Variants in NEB observed in about 807,000 individuals in gnomAD.
NEB encodes nebulin, also known as nemaline myopathy type 2.
A neutral mutation model predicts 952.2 loss-of-function variants in NEB; 512 were observed. The ratio of observed to expected loss-of-function variants is 0.54; its 90% CI spans 0.50 to 0.58. The LOEUF is 0.58. Ranked by LOEUF, NEB falls within the 20% of genes least tolerant of loss-of-function variation. NEB has a pLI of 0.00. For synonymous variants in NEB, 2,900 were observed against 3,149.8 expected (o/e 0.92, Z 2.66); for missense variants, 8,428 against 9,231.1 (o/e 0.91, Z 3.56).
At chr2:151,726,311 G>A (rs1166271047) in intron 5 of NEB, among the ~76,000 whole-genome samples, 1 of 152,098 alleles carries the variant, frequency 6.6e-6, no homozygotes, top group African/African-American at 2.4e-5. Flanking sequence ...GCTGAATACT[G>A]CAGCACTAAA....
chr2:151,696,699 T>G lies in NEB; in HGVS notation c.1507A>C (p.Thr503Pro). The G allele has an allele frequency of 6.2e-7, 1 of 1,613,860 alleles. No homozygotes were observed. The highest frequency in any genetic ancestry group is 8.5e-7 in the Non-Finnish European group (1 of 1,179,810). Residue 503 changes from threonine (T) to proline (P), a missense_variant, in exon 17 of 182, where the codon ACC (threonine) becomes CCC (proline). Around this residue, in one of 11 missense-constraint regions of NEB, gnomAD observed 2,851 missense variants for 2,791.5 expected, o/e 1.02. Transcript: ENST00000397345. ...YKVHPDKTKF[T>P]QVTDSPVLLQ... ...AGAACAGGAGAGTCTGTAACTTGGG[T>G]GAATTTTGTCTTATCTGGATGGACT...
In NEB at chr2:151,618,186, T is replaced by C. The variant is rs2098268211; in HGVS notation, c.11076+89A>G. 3 of 1,198,176 alleles carry C rather than the reference T, an allele frequency of 2.5e-6. No homozygotes were observed. The East Asian group carries it at 7.0e-5, about 28-fold the overall frequency. 74.2% of individuals were successfully genotyped at this position (1,198,176 alleles called of 1,614,324 possible). On this transcript the variant is annotated intron_variant, in intron 74 of 181. Coordinates refer to ENST00000397345, the MANE Select transcript of NEB (RefSeq NM_001164508.2). ...TTTAAGAAGGTATCATAATGCTTAT[T>C]ATTATCTTTAAAATGCAATAATATA...
In NEB at chr2:151,667,923, T is replaced by C; in HGVS notation, c.4612-12A>G. ...GCTTTATAATGAGCCTTCAAAAAAG[T>C]AGAGGTTATTTTATTATTTGACATC... On this transcript the variant is annotated splice_polypyrimidine_tract_variant and intron_variant, in intron 39 of 181. Coordinates refer to ENST00000397345, the MANE Select transcript of NEB (RefSeq NM_001164508.2). 6.3e-7 allele frequency: 1 copy of C among 1,592,548 alleles called. No individual in the cohort carries two copies. Among genetic ancestry groups the C allele is most frequent in the Non-Finnish European group, 8.6e-7 (1 of 1,163,750 alleles).
chr2:151,548,374 C>A lies in NEB; in HGVS notation c.20091G>T (p.Gly6697=). 1.2e-6 allele frequency: 2 copies of A among 1,613,742 alleles called. No individual in the cohort carries two copies. The highest frequency in any genetic ancestry group is 1.7e-6 in the Non-Finnish European group (2 of 1,179,724). The stretch of plus-strand genomic sequence containing the variant: ...GAACATCTTTGGGGCCAAGTGTATA[C>A]CCATATGCCTTGGTGTGTTCATAGG... ...KEAYEHTKAY[G]YTLGPKDVPF... is the part of the protein sequence containing the mutation. Residue 6697 remains glycine, a synonymous_variant, in exon 131 of 182, where the codon GGG becomes GGT. Transcript: ENST00000397345.
At chr2:151,524,486 G>A in intron 152 of NEB, 29 bp downstream of exon 152, 2 of 1,612,934 alleles carry the variant, frequency 1.2e-6, no homozygotes, top group East Asian at 2.2e-5. Flanking sequence ...GGCTGTTGGG[G>A]ACTGGGGACA....
chr2:151,514,210 T>A (rs750541601), intron 159 of NEB, 108 bp downstream of exon 159: 68 of 736,164 alleles, frequency 9.2e-5, no homozygotes, highest in Non-Finnish European at 1.3e-4. Flanking sequence ...AATGAAAAGC[T>A]CTGTTTTTCT....
chr2:151,633,589 A>G, intron 65 of NEB, 65 bp downstream of exon 65: 2 of 1,533,236 alleles, frequency 1.3e-6, no homozygotes, highest in Non-Finnish European at 1.8e-6. Flanking sequence ...TTGTATATAA[A>G]GGATAATTTT....
Position 151,663,537 on chromosome 2 carries a change from T to C in NEB, c.5763+11A>G. On this transcript the variant is annotated intron_variant, in intron 45 of 181. Coordinates refer to ENST00000397345, the MANE Select transcript of NEB (RefSeq NM_001164508.2). ...CAGAGTAAACGCTCTGCAAATGTGG[T>C]TTTCACGTACATCACTTTGAATCTG... The C allele has an allele frequency of 6.3e-7, 1 of 1,597,406 alleles. No homozygotes were observed. The highest frequency in any genetic ancestry group is 2.2e-5 in the East Asian group (1 of 44,564).
rs779434256 is a variant in NEB, at chr2:151,490,187, A to T, written c.25298-110T>A. 212 of 1,191,754 alleles carry T rather than the reference A, an allele frequency of 1.8e-4. 1 individual carries two copies. The highest frequency in any genetic ancestry group is 2.5e-4 in the Non-Finnish European group (207 of 840,572). 73.8% of individuals were successfully genotyped at this position (1,191,754 alleles called of 1,614,324 possible). Reference sequence around the variant, plus strand: ...TTTCCCCCAACTTAGAATGATTTCCAAAAAGAGAAATCAAAGAAAATGAAA... The same window carrying T: ...TTTCCCCCAACTTAGAATGATTTCCTAAAAGAGAAATCAAAGAAAATGAAA... On this transcript the variant is annotated intron_variant, in intron 180 of 181. Transcript: ENST00000397345.
intron 62 of NEB, 99 bp downstream of exon 62, chr2:151,639,758 C>A: frequency 1.0e-6 from 1 of 1,000,472 alleles, no homozygotes; most frequent in Admixed American, 2.5e-5. Context: ...TAGATAGATG[C>A]CTTTTATTAC....
chr2:151,551,989 G>T, intron 128 of NEB, 144 bp from the exon 129 acceptor site: 1 of 608,632 alleles, frequency 1.6e-6, no homozygotes, highest in Non-Finnish European at 2.9e-6. Context: ...ATCAGAGCCA[G>T]CGTGTGGACA....
chr2:151,562,875 T>G, intron 119 of NEB, 67 bp from the exon 120 acceptor site: 2 of 1,131,188 alleles, frequency 1.8e-6, no homozygotes, highest in Non-Finnish European at 2.6e-6. Context: ...CAATGTCTTT[T>G]AGATCCTTAT....
intron 71 of NEB, among the ~76,000 whole-genome samples, chr2:151,625,291 AT>A (rs1310128111): frequency 6.6e-6 from 1 of 152,040 alleles, no homozygotes; most frequent in African/African-American, 2.4e-5. Flanking sequence ...GACTTGAGAT[AT>A]TTTTTCCCTC....
At chr2:151,717,373 CAG>C (rs759212235) in intron 10 of NEB, 41 bp downstream of exon 10, 3 of 1,261,208 alleles carry the variant, frequency 2.4e-6, no homozygotes, top group East Asian at 4.7e-5. Context: ...AATTATTAAG[CAG>C]AGTCTTCAAG....
rs996064152 is a variant in NEB at position 151,514,796 on chromosome 2, GAA to G, written c.23016+20_23016+21del. On this transcript the variant is annotated intron_variant, in intron 158 of 181. Transcript: ENST00000397345. ...GCAATTATTTGGATTAAGAGGGAAA[GAA>G]AAGACCAAGTGGGCACTACCTCGCT... is the stretch of plus-strand genomic sequence containing the variant. 6.0e-6 allele frequency: 9 copies of G among 1,490,640 alleles called. No individual in the cohort carries two copies. The African/African-American group carries it at 1.3e-4, about 21-fold the overall frequency. 92.3% of individuals were successfully genotyped at this position (1,490,640 alleles called of 1,614,324 possible).
At chr2:151,708,568 C>G (rs1474792832) in intron 12 of NEB, among the ~76,000 whole-genome samples, 1 of 152,164 alleles carries the variant, frequency 6.6e-6, no homozygotes, top group East Asian at 1.9e-4. Context: ...TCTGTTTACA[C>G]TCACTCCCTT....
At chr2:151,714,193 C>T (rs2099753151) in intron 10 of NEB, among the ~76,000 whole-genome samples, 1 of 152,058 alleles carries the variant, frequency 6.6e-6, no homozygotes, top group Admixed American at 6.6e-5. Flanking sequence ...TCCGGACCTA[C>T]CAAAGAAGAA....
chr2:151,506,315 C>A, intron 163 of NEB, 57 bp from the exon 164 acceptor site: 1 of 1,333,434 alleles, frequency 7.5e-7, no homozygotes, highest in South Asian at 1.3e-5. Context: ...CCCAGCAGTT[C>A]CTGGAGAAAG....
rs141974681 is a variant in NEB at position 151,662,013 on chromosome 2, T to C, written c.5970+122A>G. ...TTTTTTAACGACAAGACTCTTTTTC[T>C]AGGTAAAATAACCTCAAGTGTGATG... On this transcript the variant is annotated intron_variant, in intron 46 of 181. Transcript: ENST00000397345. 1.2e-3 allele frequency: 916 copies of C among 742,186 alleles called. 6 individuals are homozygous for C. In the African/African-American group the frequency reaches 0.014, roughly 12 times the overall value. 46.0% of individuals were successfully genotyped at this position (742,186 alleles called of 1,614,324 possible). A position where few individuals can be genotyped will look rare whatever the true frequency, so the allele number is the denominator to read the frequency against.
Sources: allele counts gnomAD v4.1 joint callset (sites outside exome capture counted in the v4.1 genomes callset), GRCh38; gene constraint gnomAD v4.1.1; regional missense constraint gnomAD v4.1.1; transcripts MANE v1.5; gene names NCBI Gene and HGNC (gene_info 2026-07-23, HGNC 2026-07-21).